KIAA0753: variants seen among roughly 807,000 people sequenced by gnomAD.
KIAA0753 encodes protein moonraker.
In KIAA0753, 114 loss-of-function variants were observed where a neutral mutation model predicts 116.9. The ratio of observed to expected loss-of-function variants is 0.98; its 90% CI spans 0.84 to 1.14. The LOEUF (loss-of-function observed/expected upper bound fraction) is 1.14. Among genes scored for constraint, KIAA0753 ranks in the 50% most tolerant of loss-of-function variants. The pLI is 0.00. For missense variants in KIAA0753, 1,156 were observed against 1,172.4 expected (o/e 0.99, Z 0.20); for synonymous variants, 405 against 413.1 (o/e 0.98, Z 0.24).
chr17:6,608,462 G>A lies in KIAA0753; in HGVS notation c.1715C>T (p.Ala572Val), dbSNP rs1208145718. The A allele has an allele frequency of 1.3e-6, 2 of 1,490,702 alleles. No homozygotes were observed. The highest frequency in any genetic ancestry group is 2.5e-5 in the East Asian group (1 of 40,174). 92.3% of individuals were successfully genotyped at this position (1,490,702 alleles called of 1,614,324 possible). Residue 572 changes from alanine to valine, a missense_variant and splice_region_variant, in exon 10 of 19, where the codon GCT becomes GTT. Transcript: ENST00000361413. ...PTSPPASPKCAAWLKVKTSPR... is the reference protein window; with the variant it reads ...PTSPPASPKCVAWLKVKTSPR... ...GCTAGTTTTCACCTTTAGCCATGCA[G>A]CACTGAAATAAATGGAAAAGCATAC...
At chr17:6,600,248 T>C in intron 13 of KIAA0753, 132 bp downstream of exon 13, 1 of 691,810 alleles carries the variant, frequency 1.4e-6, no homozygotes, top group South Asian at 1.7e-5. Flanking sequence ...TAGTGTGTGG[T>C]GGTCTGGGGG....
intron 16 of KIAA0753, among the ~76,000 whole-genome samples, chr17:6,591,305 AG>A (rs1345234399): frequency 6.6e-6 from 1 of 152,232 alleles, no homozygotes; most frequent in African/African-American, 2.4e-5. Flanking sequence ...TTTCTTAAGT[AG>A]GGAGCATCTA....
intron 18 of KIAA0753, among the ~76,000 whole-genome samples, chr17:6,580,577 A>C (rs1968084506): frequency 6.6e-6 from 1 of 152,024 alleles, no homozygotes; most frequent in Non-Finnish European, 1.5e-5. Context: ...TGGCCTCCCA[A>C]AGTGCTGGGA....
chr17:6,582,102 T>A (rs2150719796), intron 18 of KIAA0753, among the ~76,000 whole-genome samples: 1 of 152,300 alleles, frequency 6.6e-6, no homozygotes, highest in African/African-American at 2.4e-5. Context: ...CATATATTCA[T>A]CCCAGCCTTC....
chr17:6,599,730 C>T (rs1969727729), intron 13 of KIAA0753, among the ~76,000 whole-genome samples: 2 of 152,074 alleles, frequency 1.3e-5, no homozygotes, highest in African/African-American at 4.8e-5. Flanking sequence ...GACTCTAATA[C>T]AAATTTAACA....
At chr17:6,625,807 T>C (rs1291145617) in intron 3 of KIAA0753, among the ~76,000 whole-genome samples, 4 of 152,132 alleles carry the variant, frequency 2.6e-5, no homozygotes, top group Non-Finnish European at 1.5e-5. Context: ...GGTCAAGTGA[T>C]TCTCCTGCCT....
intron 18 of KIAA0753, 36 bp downstream of exon 18, chr17:6,589,743 T>G (rs1567537975): frequency 6.5e-7 from 1 of 1,530,654 alleles, no homozygotes. Flanking sequence ...TTTTGCAATT[T>G]GGTTCCTAAA....
chr17:6,587,856 T>G (rs1042075397), intron 18 of KIAA0753, among the ~76,000 whole-genome samples: 5 of 151,988 alleles, frequency 3.3e-5, no homozygotes, highest in Non-Finnish European at 5.9e-5. Flanking sequence ...GAGACACACG[T>G]GAGTGAGAAA....
intron 7 of KIAA0753, among the ~76,000 whole-genome samples, chr17:6,616,628 C>A (rs1247082844): frequency 6.6e-6 from 1 of 152,042 alleles, no homozygotes; most frequent in African/African-American, 2.4e-5. Context: ...AGTTCGAGAC[C>A]CGACCAACCA....
At chr17:6,611,697 G>C (rs1250837404) in intron 8 of KIAA0753, among the ~76,000 whole-genome samples, 2 of 152,114 alleles carry the variant, frequency 1.3e-5, no homozygotes, top group African/African-American at 2.4e-5. Flanking sequence ...TATCATATTA[G>C]TTAGGATCTT....
intron 18 of KIAA0753, among the ~76,000 whole-genome samples, chr17:6,584,350 C>T (rs1968411257): frequency 6.6e-6 from 1 of 152,188 alleles, no homozygotes; most frequent in African/African-American, 2.4e-5. Context: ...ATTTTTAATA[C>T]AGCTTTTCTA....
chr17:6,623,167 G>T, intron 5 of KIAA0753, 70 bp from the exon 6 acceptor site: 1 of 1,357,618 alleles, frequency 7.4e-7, no homozygotes, highest in Non-Finnish European at 1.0e-6. Flanking sequence ...CAACTTCTAA[G>T]AATATTTATA....
chr17:6,617,080 G>A (rs1970984309), intron 7 of KIAA0753, among the ~76,000 whole-genome samples: 1 of 152,194 alleles, frequency 6.6e-6, no homozygotes, highest in Non-Finnish European at 1.5e-5. Context: ...ACTTCTCTGT[G>A]TGCAGGCCTG....
In KIAA0753 at chr17:6,589,786, C is replaced by T. The variant is rs1236278085; in HGVS notation, c.2779G>A (p.Ala927Thr). Residue 927 changes from alanine (A) to threonine (T), a missense_variant, in exon 18 of 19, where the codon GCT (alanine) becomes ACT (threonine). Coordinates refer to ENST00000361413, the MANE Select transcript of KIAA0753 (RefSeq NM_014804.3). ...AVGSFNPWLI[A>T]ESFSEELVDE... ...CCGTAACATTTTACTGACCTTTCAG[C>T]TATCAGCCACGGGTTGAAGGAGCCT... The T allele has an allele frequency of 1.2e-5, 19 of 1,599,022 alleles. No homozygotes were observed. The highest frequency in any genetic ancestry group is 1.4e-5 in the Non-Finnish European group (17 of 1,176,222).
intron 16 of KIAA0753, among the ~76,000 whole-genome samples, chr17:6,592,695 A>C (rs1346940268): frequency 6.6e-6 from 1 of 152,216 alleles, no homozygotes; most frequent in Non-Finnish European, 1.5e-5. Flanking sequence ...CCTACACATA[A>C]AACTAAAACC....
rs370369503 is a variant in KIAA0753 at position 6,622,211 on chromosome 17, T to C, written c.1104+671A>G. On this transcript the variant is annotated intron_variant, in intron 6 of 18. Coordinates refer to ENST00000361413, the MANE Select transcript of KIAA0753 (RefSeq NM_014804.3). ...TTTGATGCCTAGCTCTCAAGAAAAA[T>C]AACTGTCATCTCTCCGATGTTTGCT... 8.5e-5 allele frequency among the ~76,000 whole-genome samples: 13 copies of C among 152,218 alleles called. No individual in the cohort carries two copies. The East Asian group carries it at 2.3e-3, about 27-fold the overall frequency.
At chr17:6,621,239 A>C (rs967191848) in intron 6 of KIAA0753, among the ~76,000 whole-genome samples, 1 of 152,238 alleles carries the variant, frequency 6.6e-6, no homozygotes, top group Non-Finnish European at 1.5e-5. Context: ...AATGAATATG[A>C]CTACTTTTAA....
intron 1 of KIAA0753, chr17:6,635,564 G>A (rs1302717299): frequency 6.5e-6 from 1 of 153,490 alleles, no homozygotes. Flanking sequence ...CTTAATACTA[G>A]TCAGAAAGCA....
At position 6,607,215 on chromosome 17, in the gene KIAA0753, T is replaced by C; in HGVS notation, c.1885A>G (p.Lys629Glu). The C allele has an allele frequency of 6.2e-7, 1 of 1,614,206 alleles. No individual in the cohort carries two copies. Among genetic ancestry groups the C allele is most frequent in the East Asian group, 2.2e-5 (1 of 44,890 alleles). ...TGCATGCTGTCAATTTCCTTGGCTT[T>C]TAACTCTTCTAGTTCCTTCAATCTT... is the stretch of plus-strand genomic sequence containing the variant. Reference protein sequence around the residue: ...SKRLKELEELKAKEIDSMQKQ... With the variant: ...SKRLKELEELEAKEIDSMQKQ... The change falls in exon 11 of 19, where the codon AAA becomes GAA. Residue 629 changes from lysine to glutamate, a missense_variant. Lys to Glu is a moderately conservative substitution (Grantham distance 56). Transcript: ENST00000361413.
Sources: allele counts gnomAD v4.1 joint callset (sites outside exome capture counted in the v4.1 genomes callset), GRCh38; gene constraint gnomAD v4.1.1; transcripts MANE v1.5; gene names NCBI Gene and HGNC (gene_info 2026-07-23, HGNC 2026-07-21).